RYR2: variants seen among roughly 807,000 people sequenced by gnomAD.
RYR2 encodes ryanodine receptor 2.
A neutral mutation model predicts 601.1 loss-of-function variants in RYR2; 227 were observed. That is an observed-to-expected ratio of 0.38 (90% CI 0.34 to 0.42). RYR2 has a LOEUF of 0.42. Among genes scored for constraint, RYR2 ranks in the 10% least tolerant of loss-of-function variants. RYR2 has a pLI of 1.00. For missense variants in RYR2, 4,646 were observed against 6,156.5 expected (o/e 0.75, Z 8.21); for synonymous variants, 2,223 against 2,175.1 (o/e 1.02, Z -0.61).
At chr1:237,747,918 C>G (rs183003413) in intron 80 of RYR2, among the ~76,000 whole-genome samples, 212 of 152,192 alleles carry the variant, frequency 1.4e-3, no homozygotes, top group African/African-American at 5.0e-3. Context: ...GCTTTTCATG[C>G]TATTGAATCA....
chr1:237,687,303 C>T (rs1379814012), intron 62 of RYR2, 152 bp from the exon 63 acceptor site: 6 of 612,020 alleles, frequency 9.8e-6, no homozygotes, highest in East Asian at 2.8e-5. Context: ...ATTCTTTCTG[C>T]GTGACATCAT....
chr1:237,209,166 G>A (rs947816178), intron 1 of RYR2, among the ~76,000 whole-genome samples: 31 of 150,348 alleles, frequency 2.1e-4, no homozygotes, highest in African/African-American at 7.5e-4. Context: ...TACTGTAATT[G>A]AACTATGATT....
chr1:237,724,215 A>ATATATATG (rs1178085578), intron 74 of RYR2, among the ~76,000 whole-genome samples: 37 of 123,120 alleles, frequency 3.0e-4, no homozygotes, highest in African/African-American at 1.1e-3. Flanking sequence ...ATATATATAT[A>ATATATATG]TATGTATGTG....
chr1:237,625,817 A>T lies in RYR2; in HGVS notation c.6166+13A>T. ...TCCAAAAAGTCCTGTAAGCAGTATG[A>T]GAGTGCACTGGCAGAATGACCCAAC... On this transcript the variant is annotated intron_variant, in intron 40 of 104. Transcript: ENST00000366574. The T allele has an allele frequency of 6.2e-7, 1 of 1,612,376 alleles. No homozygotes were observed. The highest frequency in any genetic ancestry group is 1.7e-4 in the Middle Eastern group (1 of 6,060).
At chr1:237,484,399 GT>G (rs1266491508) in intron 17 of RYR2, among the ~76,000 whole-genome samples, 1 of 152,154 alleles carries the variant, frequency 6.6e-6, no homozygotes, top group Non-Finnish European at 1.5e-5. Context: ...TAAGTCTGTG[GT>G]TTTCCTGGGC....
At chr1:237,338,868 G>A (rs1034975414) in intron 3 of RYR2, among the ~76,000 whole-genome samples, 2 of 152,274 alleles carry the variant, frequency 1.3e-5, no homozygotes, top group Non-Finnish European at 2.9e-5. Flanking sequence ...GCACATTGGG[G>A]TAATGTGGAG....
At chr1:237,569,598 T>G (rs2148278896) in intron 29 of RYR2, among the ~76,000 whole-genome samples, 1 of 152,274 alleles carries the variant, frequency 6.6e-6, no homozygotes, top group East Asian at 1.9e-4. Context: ...TAGGTTTCCA[T>G]CATTGTTAAA....
intron 20 of RYR2, among the ~76,000 whole-genome samples, chr1:237,498,777 AC>A (rs1392399323): frequency 6.6e-6 from 1 of 152,184 alleles, no homozygotes; most frequent in African/African-American, 2.4e-5. Flanking sequence ...AATAAGAACA[AC>A]AAAAAAAAAT....
chr1:237,563,421 A>AC (rs1031280022), intron 27 of RYR2, among the ~76,000 whole-genome samples: 1 of 151,432 alleles, frequency 6.6e-6, no homozygotes, highest in East Asian at 1.9e-4. Context: ...CAAAAAAAAA[A>AC]AAACACAAAC....
At chr1:237,646,936 C>T (rs1682223880) in intron 48 of RYR2, among the ~76,000 whole-genome samples, 1 of 152,098 alleles carries the variant, frequency 6.6e-6, no homozygotes, top group African/African-American at 2.4e-5. Context: ...GAGTTACAGG[C>T]AGATGCATTT....
chr1:237,139,420 T>G (rs1256468661), intron 1 of RYR2, among the ~76,000 whole-genome samples: 1 of 152,156 alleles, frequency 6.6e-6, no homozygotes, highest in Non-Finnish European at 1.5e-5. Flanking sequence ...GTTCCTTTTT[T>G]GGGGGGATAA....
At chr1:237,494,991 A>G (rs368755536) in intron 19 of RYR2, among the ~76,000 whole-genome samples, 33 of 152,114 alleles carry the variant, frequency 2.2e-4, no homozygotes, top group Admixed American at 6.5e-4. Context: ...GGGTTTCACC[A>G]TGTTGGCCAG....
intron 1 of RYR2, among the ~76,000 whole-genome samples, chr1:237,163,359 C>A (rs1329544649): frequency 7.2e-6 from 1 of 138,188 alleles, no homozygotes; most frequent in Admixed American, 7.3e-5. Context: ...CCCCCTACCC[C>A]CCCCACCCCC....
chr1:237,777,293 A>T (rs1694743514), intron 87 of RYR2, among the ~76,000 whole-genome samples: 1 of 152,148 alleles, frequency 6.6e-6, no homozygotes, highest in Non-Finnish European at 1.5e-5. Context: ...GTAGACAGTC[A>T]GTCGTTCTCA....
chr1:237,751,805 C>T (rs1692557035), intron 80 of RYR2, among the ~76,000 whole-genome samples: 1 of 152,118 alleles, frequency 6.6e-6, no homozygotes, highest in South Asian at 2.1e-4. Flanking sequence ...AAGATCATTA[C>T]ACTGTTTGAA....
chr1:237,138,245 C>T (rs1174153397), intron 1 of RYR2, among the ~76,000 whole-genome samples: 1 of 151,990 alleles, frequency 6.6e-6, no homozygotes, highest in East Asian at 1.9e-4. Context: ...GTTGCCCAGG[C>T]TGGTCTTGAA....
At chr1:237,804,964 A>G (rs1421515934) in intron 98 of RYR2, among the ~76,000 whole-genome samples, 1 of 152,140 alleles carries the variant, frequency 6.6e-6, no homozygotes, top group East Asian at 1.9e-4. Flanking sequence ...GTCTGGAGAC[A>G]TTTTTGGTTG....
intron 8 of RYR2, among the ~76,000 whole-genome samples, chr1:237,379,139 A>G (rs1274498857): frequency 6.6e-6 from 1 of 152,262 alleles, no homozygotes; most frequent in Non-Finnish European, 1.5e-5. Flanking sequence ...CAATAGCAGT[A>G]GAAATAATTC....
chr1:237,208,974 A>ATGTG (rs1212219236), intron 1 of RYR2, among the ~76,000 whole-genome samples: 2 of 96,098 alleles, frequency 2.1e-5, no homozygotes, highest in East Asian at 4.4e-4. Context: ...ATATATATAT[A>ATGTG]TATATATATA....
Sources: allele counts gnomAD v4.1 joint callset (sites outside exome capture counted in the v4.1 genomes callset), GRCh38; gene constraint gnomAD v4.1.1; transcripts MANE v1.5; gene names NCBI Gene and HGNC (gene_info 2026-07-23, HGNC 2026-07-21).